Variants in FRAS1 observed in about 807,000 individuals in gnomAD.
FRAS1 encodes extracellular matrix organizing protein FRAS1.
FRAS1 carries 290 observed loss-of-function variants against 435.2 expected under a neutral mutation model. That is an observed-to-expected ratio of 0.67 (90% CI 0.61 to 0.73). FRAS1 has a LOEUF of 0.73. FRAS1 is among the 30% of genes least tolerant of loss of function. The pLI, the probability that FRAS1 is intolerant of heterozygous loss-of-function variation, is 0.00. For missense variants in FRAS1, 4,860 were observed against 5,001.5 expected (o/e 0.97, Z 0.85); for synonymous variants, 1,800 against 1,851.0 (o/e 0.97, Z 0.71).
At chr4:78,418,699 C>A (rs796397572) in intron 32 of FRAS1, among the ~76,000 whole-genome samples, 2 of 152,100 alleles carry the variant, frequency 1.3e-5, no homozygotes, top group South Asian at 2.1e-4. Context: ...CGTAACCCTG[C>A]GGGCAGTTGG....
rs908949341 is a variant in FRAS1, at chr4:78,445,792, T to G, written c.5856+80T>G. ...ATTAGAGAGCTTTCTTTATAGGGAC[T>G]CAAAAGCAAAGAAGATTGGATTTGA... On this transcript the variant is annotated intron_variant, in intron 42 of 73. Coordinates refer to ENST00000512123, the MANE Select transcript of FRAS1 (RefSeq NM_025074.7). 9.4e-6 allele frequency: 14 copies of G among 1,485,396 alleles called. No homozygotes were observed. The African/African-American group carries it at 1.5e-4, about 16-fold the overall frequency. The allele number at this position is 1,485,396 out of a possible 1,614,324, so 92.0% of individuals were successfully genotyped here. A position where few individuals can be genotyped will look rare whatever the true frequency, so the allele number is the denominator to read the frequency against.
chr4:78,472,230 C>G lies in FRAS1; in HGVS notation c.7422C>G (p.Thr2474=). 6.2e-7 allele frequency: 1 copy of G among 1,613,900 alleles called. No homozygotes were observed. The highest frequency in any genetic ancestry group is 8.5e-7 in the Non-Finnish European group (1 of 1,179,818). Residue 2474 remains threonine, a synonymous_variant, in exon 52 of 74, where the codon ACC becomes ACG. Coordinates refer to ENST00000512123, the MANE Select transcript of FRAS1 (RefSeq NM_025074.7). The part of the protein sequence containing the change: ...KKELLTMDPD[T]EDAQLVYEIT... Reference sequence around the variant, plus strand: ...AACTGCTGACCATGGACCCAGACACCGAGGACGCGCAGCTTGTCTATGAGA... The same window carrying G: ...AACTGCTGACCATGGACCCAGACACGGAGGACGCGCAGCTTGTCTATGAGA...
chr4:78,280,681 C>T lies in FRAS1; in HGVS notation c.1072-717C>T, dbSNP rs190224557. 2.7e-3 allele frequency among the ~76,000 whole-genome samples: 416 copies of T among 151,276 alleles called. 5 individuals carry two copies. The highest frequency in any genetic ancestry group is 3.5e-3 in the Non-Finnish European group (238 of 67,940). ...TATTGTGTAGTGTTAACAGTGCAGA[C>T]TCTAGGTTCAAATCTCTACTTTGCT... On this transcript the variant is annotated intron_variant, in intron 10 of 73. Transcript: ENST00000512123.
intron 31 of FRAS1, among the ~76,000 whole-genome samples, chr4:78,412,692 C>T (rs1733388446): frequency 6.6e-6 from 1 of 152,034 alleles, no homozygotes; most frequent in Admixed American, 6.5e-5. Flanking sequence ...TATGAATATT[C>T]ACTATTTCTA....
intron 2 of FRAS1, among the ~76,000 whole-genome samples, chr4:78,067,459 T>C (rs1161863953): frequency 6.6e-6 from 1 of 152,002 alleles, no homozygotes; most frequent in African/African-American, 2.4e-5. Context: ...GTCAGTTTGA[T>C]CAAGTTAAAA....
In FRAS1 at chr4:78,321,735, C is replaced by G. The variant is rs556080750; in HGVS notation, c.2137+2749C>G. 4.0e-5 allele frequency among the ~76,000 whole-genome samples: 6 copies of G among 150,028 alleles called. No individual in the cohort carries two copies. The East Asian group carries it at 1.2e-3, about 30-fold the overall frequency. On this transcript the variant is annotated intron_variant, in intron 18 of 73. Coordinates refer to ENST00000512123, the MANE Select transcript of FRAS1 (RefSeq NM_025074.7). ...TGGCACGTGCCTGTAGTCCCAGCTA[C>G]TTGGGAGGGTGAGGCAGGAGAATAG...
chr4:78,487,301 A>T (rs555579451), intron 58 of FRAS1, among the ~76,000 whole-genome samples: 1 of 152,166 alleles, frequency 6.6e-6, no homozygotes, highest in South Asian at 2.1e-4. Context: ...ATATGATGGG[A>T]TGGTTTTATT....
chr4:78,247,675 T>C (rs987619501), intron 4 of FRAS1, among the ~76,000 whole-genome samples: 6 of 152,152 alleles, frequency 3.9e-5, no homozygotes, highest in Non-Finnish European at 7.3e-5. Context: ...TTTTGACTCT[T>C]GTAGCATTTC....
intron 29 of FRAS1, among the ~76,000 whole-genome samples, chr4:78,388,022 G>A (rs1732289544): frequency 6.6e-6 from 1 of 152,014 alleles, no homozygotes; most frequent in Non-Finnish European, 1.5e-5. Context: ...GTTTTTATCT[G>A]CCCCTCAAAA....
At chr4:78,108,654 T>G (rs1742521598) in intron 2 of FRAS1, among the ~76,000 whole-genome samples, 1 of 73,522 alleles carries the variant, frequency 1.4e-5, no homozygotes, top group Admixed American at 1.6e-4. Flanking sequence ...GCAGGAAAGA[T>G]CCAAAATTGA....
chr4:78,207,223 TTTC>T (rs1223518481), intron 2 of FRAS1, among the ~76,000 whole-genome samples: 2 of 152,240 alleles, frequency 1.3e-5, no homozygotes, highest in African/African-American at 4.8e-5. Context: ...ATTAAAACTT[TTTC>T]TTCTTCTTTT....
intron 6 of FRAS1, among the ~76,000 whole-genome samples, chr4:78,256,885 TATTAA>T (rs1725820695): frequency 6.6e-6 from 1 of 152,204 alleles, no homozygotes; most frequent in Non-Finnish European, 1.5e-5. Flanking sequence ...TTATTATCAT[TATTAA>T]ATTTTGGATG....
At position 78,282,842 on chromosome 4, in the gene FRAS1, G is replaced by T. The variant is rs1237728873; in HGVS notation, c.1130G>T (p.Gly377Val). The T allele has an allele frequency of 5.6e-6, 9 of 1,613,350 alleles. No individual in the cohort carries two copies. Among genetic ancestry groups the T allele is most frequent in the Non-Finnish European group, 7.6e-6 (9 of 1,179,718 alleles). The change falls in exon 12 of 74, where the codon GGC becomes GTC. Residue 377 changes from glycine (G) to valine (V), a missense_variant. Transcript: ENST00000512123. ...TAGGAGGGAGAGAAGTGGGAAGATG[G>T]CCCTTGCAAGGTGTGTGAGTGCCGA... The part of the protein sequence containing the change: ...RIPEGEKWED[G>V]PCKVCECRGA...
chr4:78,373,568 G>A (rs7661443), intron 24 of FRAS1, among the ~76,000 whole-genome samples: 32,731 of 150,858 alleles, frequency 0.22, 4,721 homozygotes, highest in African/African-American at 0.4. Flanking sequence ...ACCTGAGGTC[G>A]TGAGTTCAAG....
intron 31 of FRAS1, 111 bp downstream of exon 31, chr4:78,407,952 G>C (rs1733167034): frequency 7.5e-6 from 7 of 932,284 alleles, no homozygotes; most frequent in Non-Finnish European, 1.1e-5. Context: ...ATCACATTTG[G>C]GGGACGTGTT....
chr4:78,080,432 T>A (rs1223007424), intron 2 of FRAS1, among the ~76,000 whole-genome samples: 2 of 152,204 alleles, frequency 1.3e-5, no homozygotes, highest in African/African-American at 2.4e-5. Context: ...TCTTTGTAAC[T>A]GTATAGACTT....
At chr4:78,518,645 C>T (rs1436153131) in intron 66 of FRAS1, among the ~76,000 whole-genome samples, 8 of 152,032 alleles carry the variant, frequency 5.3e-5, no homozygotes, top group Admixed American at 5.2e-4. Flanking sequence ...AAAGCAGGAA[C>T]ACAAACTTCC....
intron 2 of FRAS1, among the ~76,000 whole-genome samples, chr4:78,165,981 T>C (rs1024100526): frequency 2.6e-5 from 4 of 152,116 alleles, no homozygotes; most frequent in Non-Finnish European, 5.9e-5. Context: ...CAAAGTCTCA[T>C]TGAAAGGTCA....
chr4:78,504,269 G>A (rs545184804), intron 61 of FRAS1, among the ~76,000 whole-genome samples: 8 of 152,052 alleles, frequency 5.3e-5, no homozygotes, highest in East Asian at 1.9e-4. Flanking sequence ...CCTGGATATC[G>A]TTATCAACCT....
Sources: gnomAD v4.1 joint callset for allele counts (sites outside exome capture counted in the v4.1 genomes callset) on GRCh38, gnomAD v4.1.1 for gene constraint, MANE v1.5 for transcripts, NCBI Gene and HGNC (gene_info 2026-07-23, HGNC 2026-07-21) for gene names.